The following NT5C2 variants were observed in gnomAD, a reference collection of about 807,000 sequenced individuals.
NT5C2 encodes the protein cytosolic purine 5'-nucleotidase.
In NT5C2, 58 loss-of-function variants were observed where a neutral mutation model predicts 76.1. The ratio of observed to expected loss-of-function variants is 0.76; its 90% confidence interval spans 0.62 to 0.95. The LOEUF (loss-of-function observed/expected upper bound fraction) is 0.95, where lower values mean the gene tolerates loss of function less well. NT5C2 is among the 40% of genes least tolerant of loss of function. NT5C2 has a pLI of 0.00. For synonymous variants in NT5C2, 229 were observed against 237.4 expected, an observed-to-expected ratio of 0.96 and a Z score of 0.32; for missense variants, 478 against 690.3, an observed-to-expected ratio of 0.69 and a Z score of 3.45.
chr10:103,188,214 C>T (rs779473560), intron 1 of NT5C2, among the ~76,000 whole-genome samples: 15 of 152,006 alleles, frequency 9.9e-5, no homozygotes, highest in Non-Finnish European at 1.3e-4. Flanking sequence ...AAAAATTAGC[C>T]AGGCATGGTG....
chr10:103,098,775 G>A (rs1302652387), intron 10 of NT5C2, 156 bp downstream of exon 10: 1 of 602,968 alleles, frequency 1.7e-6, no homozygotes, highest in African/African-American at 1.9e-5. Context: ...TAAGACCTAT[G>A]CTCTAGCTGA....
chr10:103,101,638 C>T (rs2069697232), intron 6 of NT5C2, among the ~76,000 whole-genome samples: 2 of 151,650 alleles, frequency 1.3e-5, no homozygotes, highest in Admixed American at 1.3e-4. Context: ...GGTGTGATGT[C>T]CAGCTTAGGT....
intron 4 of NT5C2, among the ~76,000 whole-genome samples, chr10:103,113,971 G>A (rs961528444): frequency 2.0e-5 from 3 of 152,240 alleles, no homozygotes; most frequent in Non-Finnish European, 4.4e-5. Context: ...AATGTGTGAA[G>A]TGGGATACAT....
At chr10:103,136,896 T>TACA (rs1245295327) in intron 4 of NT5C2, among the ~76,000 whole-genome samples, 1 of 152,236 alleles carries the variant, frequency 6.6e-6, no homozygotes, top group Non-Finnish European at 1.5e-5. Flanking sequence ...GTGCTGGGAT[T>TACA]ACAGGCATGA....
In NT5C2 at chr10:103,130,854, C is replaced by T. The variant is rs80027171; in HGVS notation, c.175+8552G>A. Among the ~76,000 whole-genome samples the T allele has an allele frequency of 4.0e-3, 613 of 152,178 alleles. 20 individuals are homozygous for T. In the East Asian group the frequency reaches 0.071, roughly 18 times the overall value. On this transcript the variant is annotated intron_variant, in intron 4 of 18. Transcript: ENST00000404739. ...TAAAAAGCTGAAAAATCAAAAAACC[C>T]CTCTCCCCAAAGAAGGTCTTCTGTA...
intron 6 of NT5C2, chr10:103,105,394 G>C (rs762076373): frequency 1.6e-5 from 15 of 945,518 alleles, no homozygotes; most frequent in South Asian, 2.0e-5. Context: ...GTATTAGAAA[G>C]AAGAAAATAA....
chr10:103,103,332 T>G (rs1253388163), intron 6 of NT5C2, among the ~76,000 whole-genome samples: 1 of 152,206 alleles, frequency 6.6e-6, no homozygotes, highest in African/African-American at 2.4e-5. Context: ...TATCTTATCT[T>G]CTAGCTTTCC....
intron 1 of NT5C2, among the ~76,000 whole-genome samples, chr10:103,191,723 AC>A (rs1450525213): frequency 6.9e-6 from 1 of 145,672 alleles, no homozygotes; most frequent in Admixed American, 6.9e-5. Context: ...CCCCCACTCC[AC>A]CCCGCGCCCC....
intron 3 of NT5C2, among the ~76,000 whole-genome samples, chr10:103,159,945 A>C (rs2084404865): frequency 6.6e-6 from 1 of 152,206 alleles, no homozygotes; most frequent in Non-Finnish European, 1.5e-5. Context: ...AGGGCACCAG[A>C]ATAGCCAAAA....
intron 2 of NT5C2, among the ~76,000 whole-genome samples, chr10:103,179,494 C>A (rs1041717471): frequency 6.6e-6 from 1 of 151,772 alleles, no homozygotes; most frequent in Non-Finnish European, 1.5e-5. Flanking sequence ...CAAACAACAA[C>A]TGCACCCAAG....
At chr10:103,128,544 G>A (rs2077177941) in intron 4 of NT5C2, among the ~76,000 whole-genome samples, 3 of 92,356 alleles carry the variant, frequency 3.2e-5, no homozygotes, top group Admixed American at 1.0e-4. Context: ...GGGATGTGAG[G>A]AGCCCCTCTG....
At chr10:103,097,222 A>G in intron 11 of NT5C2, 69 bp downstream of exon 11, 2 of 1,171,162 alleles carry the variant, frequency 1.7e-6, no homozygotes, top group Admixed American at 4.4e-5. Context: ...TATCTTCCTC[A>G]TTGTCTTCAC....
At chr10:103,158,166 GA>G (rs2083879356) in intron 3 of NT5C2, among the ~76,000 whole-genome samples, 5 of 151,700 alleles carry the variant, frequency 3.3e-5, no homozygotes, top group African/African-American at 7.2e-5. Context: ...AAGAAAGCTA[GA>G]AAACGCTTAC....
At chr10:103,177,341 C>T (rs1291662671) in intron 2 of NT5C2, among the ~76,000 whole-genome samples, 2 of 152,118 alleles carry the variant, frequency 1.3e-5, no homozygotes, top group African/African-American at 4.8e-5. Flanking sequence ...GGTTTCACTT[C>T]TGTTTTTGAA....
rs2066210806 is a variant in NT5C2, at chr10:103,089,761, GT to G, written c.1596del (p.Lys532AsnfsTer81). On this transcript the variant is annotated frameshift_variant, in exon 19 of 19. Coordinates refer to ENST00000404739, the MANE Select transcript of NT5C2 (RefSeq NM_001351169.2). LOFTEE classifies it high-confidence loss of function. ...HQLTRSISEIKPPNLFPLAPQ... is the reference protein window; with the variant it reads ...HQLTRSISEIXPPNLFPLAPQ... ...GGGGCCAGTGGGAAGAGGTTGGGAG[GT>G]TTAATCTCACTAATTGACCGTGTCA... 1 of 1,614,060 alleles carries G rather than the reference GT, an allele frequency of 6.2e-7. No individual in the cohort carries two copies. The highest frequency in any genetic ancestry group is 1.1e-5 in the South Asian group (1 of 91,062).
intron 4 of NT5C2, 76 bp from the exon 5 acceptor site, chr10:103,106,782 T>C: frequency 1.1e-6 from 1 of 923,954 alleles, no homozygotes; most frequent in Non-Finnish European, 1.8e-6. Context: ...AATGAATTTC[T>C]GCTCTTTCCC....
chr10:103,112,292 C>CTA (rs952355478), intron 4 of NT5C2, among the ~76,000 whole-genome samples: 8 of 152,072 alleles, frequency 5.3e-5, no homozygotes, highest in African/African-American at 1.9e-4. Flanking sequence ...CTGAGTCTAC[C>CTA]TATACCTAAC....
chr10:103,191,989 A>G (rs1356857134), intron 1 of NT5C2, among the ~76,000 whole-genome samples: 1 of 146,254 alleles, frequency 6.8e-6, no homozygotes, highest in African/African-American at 2.5e-5. Flanking sequence ...GCTCACACCT[A>G]TTTTTTTTCT....
At chr10:103,111,886 C>CAG (rs922914910) in intron 4 of NT5C2, 1 of 870,304 alleles carries the variant, frequency 1.1e-6, no homozygotes, top group Non-Finnish European at 1.5e-6. Context: ...TGGGCTGGAA[C>CAG]AGAGAGATAC....
Sources: gnomAD v4.1 joint callset for allele counts (sites outside exome capture counted in the v4.1 genomes callset) on GRCh38, gnomAD v4.1.1 for gene constraint, MANE v1.5 for transcripts, NCBI Gene and HGNC (gene_info 2026-07-23, HGNC 2026-07-21) for gene names.